The following CFDP1 variants were observed in gnomAD, a reference collection of about 807,000 sequenced individuals.
The protein encoded by CFDP1 is heterochromatin-stabilizing protein CFDP1.
A neutral mutation model predicts 40.1 loss-of-function variants in CFDP1; 31 were observed. The ratio of observed to expected loss-of-function variants is 0.77; its 90% CI spans 0.58 to 1.04. The LOEUF (loss-of-function observed/expected upper bound fraction) is 1.04. CFDP1 is among the 50% of genes least tolerant of loss of function. CFDP1 has a pLI of 0.00. For synonymous variants in CFDP1, 167 were observed against 120.0 expected, an observed-to-expected ratio of 1.39 and a Z score of -2.56; for missense variants, 423 against 343.4, an observed-to-expected ratio of 1.23 and a Z score of -1.83.
intron 4 of CFDP1, among the ~76,000 whole-genome samples, chr16:75,410,908 C>CAAAAAAAAAAA (rs74355496): frequency 1.6e-5 from 1 of 62,606 alleles, no homozygotes; most frequent in African/African-American, 6.5e-5. Context: ...GACTCTGTCT[C>CAAAAAAAAAAA]AAAAAAAAAA....
At chr16:75,372,435 T>C (rs1297837078) in intron 5 of CFDP1, 2 of 152,124 alleles carry the variant, frequency 1.3e-5, no homozygotes, top group African/African-American at 2.4e-5. Context: ...TGCCAAAGGA[T>C]CCAGATCAGT....
chr16:75,397,042 C>T (rs1234639158), intron 4 of CFDP1, among the ~76,000 whole-genome samples: 7 of 152,006 alleles, frequency 4.6e-5, no homozygotes, highest in Middle Eastern at 6.8e-3. Flanking sequence ...GCCTCCCAAG[C>T]AGCTGGGACT....
intron 5 of CFDP1, among the ~76,000 whole-genome samples, chr16:75,370,502 CAT>C (rs1210573568): frequency 6.6e-6 from 1 of 152,178 alleles, no homozygotes; most frequent in Admixed American, 6.5e-5. Context: ...CACATGTATA[CAT>C]ATGTAACAAA....
chr16:75,346,930 C>A (rs919006849), intron 5 of CFDP1, among the ~76,000 whole-genome samples: 2 of 152,094 alleles, frequency 1.3e-5, no homozygotes, highest in African/African-American at 4.8e-5. Context: ...TCTTGTCTGT[C>A]CTTCCATATG....
intron 5 of CFDP1, among the ~76,000 whole-genome samples, chr16:75,330,105 T>C (rs890403515): frequency 6.6e-6 from 1 of 152,208 alleles, no homozygotes. Flanking sequence ...TGCATTTCAC[T>C]AGCAGCGCAC....
chr16:75,411,912 A>G lies in CFDP1; in HGVS notation c.443T>C (p.Leu148Ser). 6.2e-7 allele frequency: 1 copy of G among 1,611,610 alleles called. No individual in the cohort carries two copies. Among genetic ancestry groups the G allele is most frequent in the Non-Finnish European group, 8.5e-7 (1 of 1,179,440 alleles). Residue 148 changes from leucine to serine, a missense_variant, in exon 4 of 7, where the codon TTG becomes TCG. By Grantham distance (145) the Leu-to-Ser change is moderately radical (BLOSUM62 -2). Transcript: ENST00000283882. ...TTTCTCTAGCTCTTCTGCTTTTACC[A>G]ACAATTTACTTGAACTTGTCTCTTC... ...ETEETSSSKL[L>S]VKAEELEKPK...
chr16:75,319,055 A>G (rs946276025), intron 5 of CFDP1, among the ~76,000 whole-genome samples: 4 of 151,982 alleles, frequency 2.6e-5, no homozygotes, highest in African/African-American at 9.7e-5. Flanking sequence ...TACTTTATTT[A>G]TTTATTTTTT....
intron 5 of CFDP1, among the ~76,000 whole-genome samples, chr16:75,350,976 TGA>T (rs1365547504): frequency 1.3e-5 from 2 of 151,844 alleles, no homozygotes; most frequent in African/African-American, 2.4e-5. Context: ...ACATTTCTAG[TGA>T]GATAAAATCT....
intron 5 of CFDP1, among the ~76,000 whole-genome samples, chr16:75,310,019 A>C (rs1249188398): frequency 6.6e-6 from 1 of 152,214 alleles, no homozygotes; most frequent in East Asian, 1.9e-4. Context: ...AAAGAAATGC[A>C]CCATGCACTT....
rs780397929 is a variant in CFDP1, at chr16:75,305,065, C to A, written c.768G>T (p.Gly256=). ...TATGGATGGCCAGTTCTTCACCAAT[C>A]CCCTCTTCCTCCTTGAAGCTCTCCC... The part of the protein sequence containing the change: ...LDWESFKEEE[G]IGEELAIHNR... Residue 256 remains glycine (G), a synonymous_variant, in exon 6 of 7, where the codon GGG becomes GGT. Coordinates refer to ENST00000283882, the MANE Select transcript of CFDP1 (RefSeq NM_006324.3). The A allele has an allele frequency of 8.7e-6, 14 of 1,614,166 alleles. No individual in the cohort carries two copies. The highest frequency in any genetic ancestry group is 8.3e-5 in the Admixed American group (5 of 60,020).
At chr16:75,312,987 C>T (rs749119847) in intron 5 of CFDP1, among the ~76,000 whole-genome samples, 27 of 152,198 alleles carry the variant, frequency 1.8e-4, no homozygotes, top group Non-Finnish European at 2.1e-4. Context: ...GACAAGCTAA[C>T]TGACCTGCTG....
intron 1 of CFDP1, among the ~76,000 whole-genome samples, chr16:75,430,882 A>G (rs1315487764): frequency 1.3e-5 from 2 of 152,204 alleles, no homozygotes; most frequent in Non-Finnish European, 2.9e-5. Context: ...GAGACATACA[A>G]TGAGGCAGGT....
chr16:75,294,025 G>T lies in CFDP1; in HGVS notation c.827C>A (p.Ala276Asp). The T allele has an allele frequency of 6.2e-7, 1 of 1,613,744 alleles. No homozygotes were observed. The highest frequency in any genetic ancestry group is 8.5e-7 in the Non-Finnish European group (1 of 1,179,758). Residue 276 changes from alanine (A) to aspartate (D), a missense_variant, in exon 7 of 7, where the codon GCC becomes GAC. Physicochemically the swap from Ala to Asp is moderately radical, Grantham distance 126. Coordinates refer to ENST00000283882, the MANE Select transcript of CFDP1 (RefSeq NM_006324.3). ...RGKEGYIERK[A>D]FLDRVDHRQF... ...CCTGTGATCCACTCGGTCAAGGAAG[G>T]CTTTCCGTTCAATGTACCTAGAAGA...
intron 1 of CFDP1, among the ~76,000 whole-genome samples, chr16:75,420,253 C>A (rs553179592): frequency 6.6e-5 from 10 of 152,170 alleles, no homozygotes; most frequent in African/African-American, 2.4e-4. Context: ...ACTGTTATCA[C>A]CCTGATTTAA....
chr16:75,335,472 T>C (rs1426550251), intron 5 of CFDP1, among the ~76,000 whole-genome samples: 2 of 152,112 alleles, frequency 1.3e-5, no homozygotes, highest in Admixed American at 1.3e-4. Flanking sequence ...ATTCTCTGCA[T>C]ATACAATCAT....
Position 75,349,698 on chromosome 16 carries a change from T to TATATATACAC in CFDP1, c.651-44517_651-44516insGTGTATATAT, listed in dbSNP as rs146824267. 1.3e-3 allele frequency among the ~76,000 whole-genome samples: 63 copies of TATATATACAC among 47,898 alleles called. 9 individuals carry two copies. Among genetic ancestry groups the TATATATACAC allele is most frequent in the African/African-American group, 4.3e-3 (39 of 9,172 alleles). The allele number at this position is 47,898 out of a possible 152,430, so 31.4% of individuals were successfully genotyped here. A position where few individuals can be genotyped will look rare whatever the true frequency, so the allele number is the denominator to read the frequency against. ...AAAAAAAAAAAAAAAAAAATATATA[T>TATATATACAC]ACATACATATATACGGTTGATTTTT... On this transcript the variant is annotated intron_variant, in intron 5 of 6. Transcript: ENST00000283882.
intron 5 of CFDP1, among the ~76,000 whole-genome samples, chr16:75,343,596 G>A (rs1183708119): frequency 6.6e-6 from 1 of 152,218 alleles, no homozygotes; most frequent in East Asian, 1.9e-4. Context: ...CAAGGCCTCA[G>A]GGCACCTGGG....
chr16:75,398,933 T>C (rs2079022820), intron 4 of CFDP1, among the ~76,000 whole-genome samples: 1 of 151,806 alleles, frequency 6.6e-6, no homozygotes, highest in Non-Finnish European at 1.5e-5. Flanking sequence ...GGCGGGCGCC[T>C]GTAGTCCCAG....
chr16:75,323,583 C>T (rs887664808), intron 5 of CFDP1, among the ~76,000 whole-genome samples: 5 of 152,072 alleles, frequency 3.3e-5, no homozygotes, highest in African/African-American at 1.2e-4. Flanking sequence ...GAGTTCAAGA[C>T]CAGCCTGACT....
Sources: gnomAD v4.1 joint callset for allele counts (sites outside exome capture counted in the v4.1 genomes callset) on GRCh38, gnomAD v4.1.1 for gene constraint, MANE v1.5 for transcripts, NCBI Gene and HGNC (gene_info 2026-07-23, HGNC 2026-07-21) for gene names.